The following CYFIP2 variants were observed in gnomAD, a reference collection of about 807,000 sequenced individuals.
CYFIP2 encodes cytoplasmic FMR1 interacting protein 2.
In CYFIP2, 29 loss-of-function variants were observed where a neutral mutation model predicts 158.7. That is an observed-to-expected ratio of 0.18 (90% confidence interval 0.14 to 0.25). The LOEUF (loss-of-function observed/expected upper bound fraction) is 0.25, where lower values mean the gene tolerates loss of function less well. Ranked by LOEUF, CYFIP2 falls within the 10% of genes least tolerant of loss-of-function variation. CYFIP2 has a pLI of 1.00. For missense variants in CYFIP2, 852 were observed against 1,639.5 expected (o/e 0.52, Z 8.29); for synonymous variants, 585 against 617.6 (o/e 0.95, Z 0.78).
At position 157,312,418 on chromosome 5, in the gene CYFIP2, C is replaced by T. The variant is rs187478613; in HGVS notation, c.1110+637C>T. On this transcript the variant is annotated intron_variant, in intron 11 of 30. Transcript: ENST00000620254. Reference sequence around the variant, plus strand: ...GGAGAGAAAATCACATAAAATCCTACCATCCCAGAACCAACTAAGACTGGT... The same window carrying T: ...GGAGAGAAAATCACATAAAATCCTATCATCCCAGAACCAACTAAGACTGGT... Among the ~76,000 whole-genome samples the T allele has an allele frequency of 7.8e-4, 119 of 152,072 alleles. 1 individual carries two copies. Among genetic ancestry groups the T allele is most frequent in the African/African-American group, 2.7e-3 (112 of 41,474 alleles).
At position 157,395,249 on chromosome 5, in the gene CYFIP2, C is replaced by T. The variant is rs975946490; in HGVS notation, c.*2249C>T. The T allele has an allele frequency of 1.1e-5, 3 of 267,886 alleles. No homozygotes were observed. Among genetic ancestry groups the T allele is most frequent in the African/African-American group, 7.0e-5 (3 of 42,684 alleles). 16.6% of individuals were successfully genotyped at this position (267,886 alleles called of 1,614,324 possible). On this transcript the variant is annotated 3_prime_UTR_variant, in exon 31 of 31. Transcript: ENST00000620254. ...ACACCCAATGAGTTTAATATTCTTT[C>T]CTCCTTGGCATTACTGCCCCAGCCT...
chr5:157,342,849 C>G (rs765245315), intron 23 of CYFIP2: 2 of 1,601,168 alleles, frequency 1.2e-6, no homozygotes, highest in Non-Finnish European at 1.7e-6. Context: ...TGCGGGCGCT[C>G]TCCTCCCCAC....
At chr5:157,320,064 G>A in intron 14 of CYFIP2, 136 bp downstream of exon 14, 1 of 1,061,718 alleles carries the variant, frequency 9.4e-7, no homozygotes, top group Non-Finnish European at 1.4e-6. Context: ...AGGAGATTGG[G>A]CATTTGGGAT....
At chr5:157,322,760 A>G (rs1760702014) in intron 15 of CYFIP2, among the ~76,000 whole-genome samples, 1 of 152,236 alleles carries the variant, frequency 6.6e-6, no homozygotes, top group Non-Finnish European at 1.5e-5. Context: ...GAGGCAGCGA[A>G]GACGAACGCG....
intron 23 of CYFIP2, chr5:157,341,841 G>C (rs558822901): frequency 6.6e-6 from 1 of 152,284 alleles, no homozygotes; most frequent in South Asian, 2.1e-4. Flanking sequence ...GAGAGTACAG[G>C]CGTCTTCTCC....
At chr5:157,320,889 G>T (rs1269674227) in intron 15 of CYFIP2, 87 bp downstream of exon 15, 35 of 1,425,942 alleles carry the variant, frequency 2.5e-5, no homozygotes, top group East Asian at 1.6e-4. Context: ...ATGGGCAGTG[G>T]GACTGGGAGC....
chr5:157,382,552 G>C (rs778773250), intron 26 of CYFIP2, 38 bp from the exon 27 acceptor site: 10 of 1,609,938 alleles, frequency 6.2e-6, no homozygotes, highest in Non-Finnish European at 8.5e-6. Context: ...GGTTTAAAAT[G>C]AAAATTGTTT....
intron 13 of CYFIP2, among the ~76,000 whole-genome samples, chr5:157,315,544 C>T (rs975713466): frequency 6.6e-6 from 1 of 152,148 alleles, no homozygotes; most frequent in African/African-American, 2.4e-5. Flanking sequence ...GGTCAGTCTA[C>T]ATTTTGTAGG....
At chr5:157,378,929 A>G (rs528684836) in intron 26 of CYFIP2, among the ~76,000 whole-genome samples, 1 of 152,328 alleles carries the variant, frequency 6.6e-6, no homozygotes, top group Non-Finnish European at 1.5e-5. Flanking sequence ...ACTTAATTCC[A>G]TTAAGTTCTT....
intron 26 of CYFIP2, 136 bp from the exon 27 acceptor site, chr5:157,382,454 C>T: frequency 1.2e-6 from 1 of 817,504 alleles, no homozygotes; most frequent in Admixed American, 2.6e-5. Flanking sequence ...GTAACTTGCC[C>T]AAGGTCACAG....
At chr5:157,389,094 G>A (rs748893162) in intron 28 of CYFIP2, 95 bp from the exon 29 acceptor site, 159 of 1,235,372 alleles carry the variant, frequency 1.3e-4, no homozygotes, top group Non-Finnish European at 1.6e-4. Context: ...CCAATTTCAG[G>A]TGCAGCCAGC....
intron 15 of CYFIP2, 94 bp from the exon 16 acceptor site, chr5:157,323,827 A>AT (rs1263754002): frequency 1.2e-6 from 1 of 823,934 alleles, no homozygotes; most frequent in Non-Finnish European, 1.6e-6. Flanking sequence ...ACATCTGCAG[A>AT]AAAAAAAAAA....
intron 23 of CYFIP2, among the ~76,000 whole-genome samples, chr5:157,351,533 A>T (rs1047634675): frequency 2.0e-5 from 3 of 152,112 alleles, no homozygotes; most frequent in African/African-American, 7.2e-5. Context: ...CCACATGACA[A>T]CTCCTTGAGA....
At chr5:157,342,901 A>G (rs761670872) in intron 23 of CYFIP2, 2 of 1,613,298 alleles carry the variant, frequency 1.2e-6, no homozygotes. Context: ...GTGGGTCACC[A>G]CCCCCCCTCT....
chr5:157,313,107 T>C (rs2113054481), intron 11 of CYFIP2, among the ~76,000 whole-genome samples: 1 of 152,372 alleles, frequency 6.6e-6, no homozygotes, highest in African/African-American at 2.4e-5. Context: ...ATGTTGAGTC[T>C]CATTATTCAC....
chr5:157,343,484 G>A (rs772215622), intron 23 of CYFIP2: 17 of 1,602,878 alleles, frequency 1.1e-5, no homozygotes, highest in East Asian at 6.7e-5. Flanking sequence ...CTCCGAGGAC[G>A]ACCAGGAGAT....
chr5:157,319,784 TG>T lies in CYFIP2; in HGVS notation c.1380del (p.Gln461ArgfsTer29). 1 of 1,614,096 alleles carries T rather than the reference TG, an allele frequency of 6.2e-7. No homozygotes were observed. Among genetic ancestry groups the T allele is most frequent in the Non-Finnish European group, 8.5e-7 (1 of 1,179,936 alleles). On this transcript the variant is annotated frameshift_variant, in exon 14 of 31. Coordinates refer to ENST00000620254, the MANE Select transcript of CYFIP2 (RefSeq NM_001037333.3). LOFTEE classifies it high-confidence loss of function. ...CAGGTGATCGCCATGATCAAAGGCC[TG>T]CAGGTGCTCATGGGCAGGATGGAGA... is the stretch of plus-strand genomic sequence containing the variant. ...FVEVIAMIKG[L>X]QVLMGRMESV...
intron 28 of CYFIP2, chr5:157,384,372 C>A (rs1326869779): frequency 2.2e-6 from 1 of 456,710 alleles, no homozygotes; most frequent in Admixed American, 2.3e-5. Flanking sequence ...ACAGGGTATT[C>A]TAGTGAGACA....
chr5:157,386,808 TACTC>T (rs1247728336), intron 28 of CYFIP2, among the ~76,000 whole-genome samples: 3 of 151,756 alleles, frequency 2.0e-5, no homozygotes, highest in Non-Finnish European at 4.4e-5. Context: ...TGATCCCAGA[TACTC>T]AGGAGGCTGA....
Sources: allele counts gnomAD v4.1 joint callset (sites outside exome capture counted in the v4.1 genomes callset), GRCh38; gene constraint gnomAD v4.1.1; transcripts MANE v1.5; gene names NCBI Gene and HGNC (gene_info 2026-07-23, HGNC 2026-07-21).